The following TNKS1BP1 variants were observed in gnomAD, a reference collection of about 807,000 sequenced individuals.
The protein encoded by TNKS1BP1 is 182 kDa tankyrase-1-binding protein.
A neutral mutation model predicts 141.1 loss-of-function variants in TNKS1BP1; 48 were observed. The observed-to-expected ratio is 0.34, with a 90% CI of 0.27 to 0.43. TNKS1BP1 has a LOEUF of 0.43. TNKS1BP1 is among the 20% of genes least tolerant of loss of function. The pLI, the probability that TNKS1BP1 is intolerant of heterozygous loss-of-function variation, is 1.00. For missense variants in TNKS1BP1, 2,149 were observed against 2,226.0 expected (o/e 0.97, Z 0.70); for synonymous variants, 875 against 898.2 (o/e 0.97, Z 0.46).
chr11:57,320,036 GACC>G, intron 3 of TNKS1BP1, 40 bp downstream of exon 3: 1 of 1,038,304 alleles, frequency 9.6e-7, no homozygotes, highest in Non-Finnish European at 1.4e-6. Context: ...CACCCCACCT[GACC>G]TCCAGGCTGC....
At chr11:57,320,011 G>GCCCCCCCCCCCAACCCCCCCC in intron 3 of TNKS1BP1, 68 bp downstream of exon 3, 1 of 1,296,684 alleles carries the variant, frequency 7.7e-7, no homozygotes, top group Non-Finnish European at 1.1e-6. Context: ...TTGGTCCCCA[G>GCCCCCCCCCCCAACCCCCCCC]CCCCCACCCA....
chr11:57,322,390 C>G, intron 1 of TNKS1BP1: 1 of 869,712 alleles, frequency 1.1e-6, no homozygotes, highest in Non-Finnish European at 1.4e-6. Flanking sequence ...CGCCCCACTG[C>G]CTGCCTCCCC....
At chr11:57,317,922 A>T in intron 3 of TNKS1BP1, 35 bp from the exon 4 acceptor site, 1 of 1,598,962 alleles carries the variant, frequency 6.3e-7, no homozygotes, top group South Asian at 1.1e-5. Context: ...GGAAGCACGG[A>T]ATGTTAGAGT....
At position 57,313,643 on chromosome 11, in the gene TNKS1BP1, G is replaced by T; in HGVS notation, c.1045C>A (p.Arg349Ser). The T allele has an allele frequency of 6.4e-7, 1 of 1,562,312 alleles. No individual in the cohort carries two copies. Among genetic ancestry groups the T allele is most frequent in the Non-Finnish European group, 8.7e-7 (1 of 1,153,482 alleles). Reference sequence around the variant, plus strand: ...GGGAGCCCCGGGCTGGGGGTGTGGCGGGAGCCCTCGTCAGGCAGGGCTGCA... The same window carrying T: ...GGGAGCCCCGGGCTGGGGGTGTGGCTGGAGCCCTCGTCAGGCAGGGCTGCA... Reference protein sequence around the residue: ...PSAALPDEGSRHTPSPGLPAE... With the variant: ...PSAALPDEGSSHTPSPGLPAE... Residue 349 changes from arginine to serine, a missense_variant, in exon 5 of 12, where the codon CGC becomes AGC. Transcript: ENST00000358252.
rs773966717 is a variant in TNKS1BP1, at chr11:57,317,884, G to A, written c.732C>T (p.Ser244=). The A allele has an allele frequency of 6.2e-7, 1 of 1,613,892 alleles. No individual in the cohort carries two copies. Among genetic ancestry groups the A allele is most frequent in the Non-Finnish European group, 8.5e-7 (1 of 1,179,782 alleles). The change falls in exon 4 of 12, where the codon AGC becomes AGT. Residue 244 remains serine (S), a synonymous_variant. Coordinates refer to ENST00000358252, the MANE Select transcript of TNKS1BP1 (RefSeq NM_033396.3). ...EEHSKTPEER[S]LPSDLAFNGD... ...CGTTGAAGGCCAGGTCGGAAGGAAG[G>A]CTCCTGTGAGGGACGAGGACAGGAA...
Position 57,300,966 on chromosome 11 carries a change from C to T in TNKS1BP1, c.5047G>A (p.Ala1683Thr), listed in dbSNP as rs761715539. ...TTGCAGGATTTCGAACGCTGGACCG[C>T]GGACTCCTTCTGGCTCGACTTGCTC... Reference protein sequence around the residue: ...AESKSSQKESAVQRSKSCKVP... With the variant: ...AESKSSQKESTVQRSKSCKVP... The change falls in exon 10 of 12, where the codon GCG becomes ACG. Residue 1683 changes from alanine to threonine, a missense_variant. Ala to Thr is a moderately conservative substitution (Grantham distance 58, BLOSUM62 0). Coordinates refer to ENST00000358252, the MANE Select transcript of TNKS1BP1 (RefSeq NM_033396.3). 3 of 1,613,984 alleles carry T rather than the reference C, an allele frequency of 1.9e-6. No homozygotes were observed. The highest frequency in any genetic ancestry group is 1.1e-5 in the South Asian group (1 of 91,072).
rs1272102514 is a variant in TNKS1BP1 at position 57,313,708 on chromosome 11, T to C, written c.980A>G (p.Gln327Arg). ...AGTCACAGCGGGGCAGGGAGAAGCC[T>C]GGGAAGCTTCAGGAGTCTGGGCTTC... is the stretch of plus-strand genomic sequence containing the variant. ...LLEAQTPEAS[Q>R]ASPCPAVTPS... is the part of the protein sequence containing the mutation. The change falls in exon 5 of 12, where the codon CAG becomes CGG. Residue 327 changes from glutamine (Q) to arginine (R), a missense_variant. Coordinates refer to ENST00000358252, the MANE Select transcript of TNKS1BP1 (RefSeq NM_033396.3). 5 of 1,588,228 alleles carry C rather than the reference T, an allele frequency of 3.1e-6. No homozygotes were observed. The African/African-American group carries it at 5.4e-5, about 17-fold the overall frequency.
chr11:57,322,204 C>T, intron 1 of TNKS1BP1: 1 of 1,123,622 alleles, frequency 8.9e-7, no homozygotes, highest in Non-Finnish European at 1.1e-6. Context: ...ACTGCTCCCT[C>T]CTCTGACAAG....
chr11:57,304,113 C>T (rs1183951881), intron 6 of TNKS1BP1, among the ~76,000 whole-genome samples: 6 of 152,076 alleles, frequency 3.9e-5, no homozygotes, highest in Admixed American at 2.6e-4. Flanking sequence ...CACGCATCCC[C>T]GCATCCCCAC....
At chr11:57,316,692 T>C (rs551363188) in intron 4 of TNKS1BP1, among the ~76,000 whole-genome samples, 12 of 152,288 alleles carry the variant, frequency 7.9e-5, no homozygotes, top group Admixed American at 4.6e-4. Context: ...ATCTCCACCG[T>C]AGGCTACCTC....
chr11:57,300,858 G>A (rs202060901), intron 10 of TNKS1BP1, 26 bp downstream of exon 10: 30 of 1,606,856 alleles, frequency 1.9e-5, no homozygotes, highest in Middle Eastern at 1.7e-4. Flanking sequence ...TGAGGTCAGC[G>A]GATGCCCAGA....
At position 57,320,629 on chromosome 11, in the gene TNKS1BP1, G is replaced by A; in HGVS notation, c.178C>T (p.Leu60=). 6.2e-7 allele frequency: 1 copy of A among 1,613,474 alleles called. No homozygotes were observed. The highest frequency in any genetic ancestry group is 2.2e-5 in the East Asian group (1 of 44,868). The change falls in exon 3 of 12, where the codon CTG becomes TTG. Residue 60 remains leucine, a synonymous_variant. Coordinates refer to ENST00000358252, the MANE Select transcript of TNKS1BP1 (RefSeq NM_033396.3). ...KPALPAKPSL[L]VPVGPRPPRG... ...GGAGGCCGAGGCCCAACAGGCACCA[G>A]CAGGCTGGGTTTGGCAGGCAGGGCT...
chr11:57,322,753 G>T (rs765992570), intron 1 of TNKS1BP1, among the ~76,000 whole-genome samples: 1 of 152,030 alleles, frequency 6.6e-6, no homozygotes, highest in African/African-American at 2.4e-5. Context: ...GAGAACATCC[G>T]GGGGGTGGAG....
Position 57,300,930 on chromosome 11 carries a change from G to C in TNKS1BP1, c.5083C>G (p.Leu1695Val). ...QRSKSCKVPG[L>V]GKPLTLPPKP... ...GGAGGTAACGTGAGGGGCTTTCCCA[G>C]TCCTGGGACCTTGCAGGATTTCGAA... The change falls in exon 10 of 12, where the codon CTG becomes GTG. Residue 1695 changes from leucine to valine, a missense_variant. Physicochemically the swap from Leu to Val is conservative, Grantham distance 32 (BLOSUM62 1). Transcript: ENST00000358252. 1.2e-6 allele frequency: 2 copies of C among 1,614,180 alleles called. No homozygotes were observed. The highest frequency in any genetic ancestry group is 1.7e-6 in the Non-Finnish European group (2 of 1,180,036).
intron 6 of TNKS1BP1, among the ~76,000 whole-genome samples, chr11:57,305,408 T>C (rs1213927062): frequency 1.3e-5 from 2 of 150,806 alleles, no homozygotes; most frequent in African/African-American, 4.9e-5. Context: ...ATGTGCCTCA[T>C]CTTGTCGCAT....
At chr11:57,315,331 G>A (rs1855781986) in intron 4 of TNKS1BP1, among the ~76,000 whole-genome samples, 2 of 148,486 alleles carry the variant, frequency 1.3e-5, no homozygotes, top group African/African-American at 5.0e-5. Context: ...CTTTCTCATT[G>A]TCCCCCACTC....
At chr11:57,319,371 G>C (rs536554197) in intron 3 of TNKS1BP1, among the ~76,000 whole-genome samples, 2 of 152,186 alleles carry the variant, frequency 1.3e-5, no homozygotes, top group East Asian at 3.9e-4. Context: ...AGTCATTTTT[G>C]AGCCTCAGTT....
In TNKS1BP1 at chr11:57,320,472, T is replaced by G; in HGVS notation, c.335A>C (p.Glu112Ala). ...CTCTTTCCCAGTCTCTTGGGTGGCT[T>G]CTCCTCCAGTGGAGGCCTCAACCGC... ...RPAVEASTGG[E>A]ATQETGKEEA... The change falls in exon 3 of 12, where the codon GAA becomes GCA. Residue 112 changes from glutamate to alanine, a missense_variant. Glu to Ala is a moderately radical substitution (Grantham distance 107). Transcript: ENST00000358252. 1 of 1,607,798 alleles carries G rather than the reference T, an allele frequency of 6.2e-7. No individual in the cohort carries two copies. Among genetic ancestry groups the G allele is most frequent in the South Asian group, 1.1e-5 (1 of 90,646 alleles).
At chr11:57,321,517 A>G (rs756103088) in intron 2 of TNKS1BP1, among the ~76,000 whole-genome samples, 17 of 152,170 alleles carry the variant, frequency 1.1e-4, no homozygotes, top group Non-Finnish European at 2.4e-4. Context: ...TGTGGGCCTC[A>G]GTTTTCCCCT....
Sources: gnomAD v4.1 joint callset for allele counts (sites outside exome capture counted in the v4.1 genomes callset) on GRCh38, gnomAD v4.1.1 for gene constraint, MANE v1.5 for transcripts, NCBI Gene and HGNC (gene_info 2026-07-23, HGNC 2026-07-21) for gene names.